ADARB2: variants seen among roughly 807,000 people sequenced by gnomAD.
The protein encoded by ADARB2 is inactive double-stranded RNA-specific editase B2.
In ADARB2, 25 loss-of-function variants were observed where a neutral mutation model predicts 62.2. That is an observed-to-expected ratio of 0.40 (90% CI 0.29 to 0.56). The LOEUF is 0.56. Ranked by LOEUF, ADARB2 falls within the 20% of genes least tolerant of loss-of-function variation. The pLI, the probability that ADARB2 is intolerant of heterozygous loss-of-function variation, is 0.43. For synonymous variants in ADARB2, 572 were observed against 500.8 expected (o/e 1.14, Z -1.90); for missense variants, 1,071 against 1,077.4 (o/e 0.99, Z 0.08).
intron 3 of ADARB2, among the ~76,000 whole-genome samples, chr10:1,324,148 T>A (rs772920195): frequency 1.3e-5 from 2 of 152,224 alleles, no homozygotes; most frequent in Non-Finnish European, 2.9e-5. Flanking sequence ...CATGATAAGA[T>A]GCTAAACTAT....
intron 1 of ADARB2, among the ~76,000 whole-genome samples, chr10:1,511,904 A>C (rs1158990964): frequency 6.6e-6 from 1 of 151,864 alleles, no homozygotes; most frequent in Non-Finnish European, 1.5e-5. Context: ...CAAGACATGG[A>C]TGCTGTCTAC....
At chr10:1,341,185 C>T (rs551658139) in intron 3 of ADARB2, among the ~76,000 whole-genome samples, 3 of 151,886 alleles carry the variant, frequency 2.0e-5, no homozygotes, top group Admixed American at 1.3e-4. Context: ...ATGTGCCCCA[C>T]AGCGGCAATA....
chr10:1,357,810 G>A (rs1455645977), intron 3 of ADARB2, among the ~76,000 whole-genome samples: 1 of 152,200 alleles, frequency 6.6e-6, no homozygotes, highest in African/African-American at 2.4e-5. Context: ...CTCTATTGTT[G>A]TAGACACACG....
chr10:1,425,856 A>G (rs2131887325), intron 1 of ADARB2, among the ~76,000 whole-genome samples: 1 of 152,340 alleles, frequency 6.6e-6, no homozygotes, highest in South Asian at 2.1e-4. Context: ...AGATTAGCAA[A>G]CATTGACTCC....
At chr10:1,613,683 C>T (rs749722684) in intron 1 of ADARB2, among the ~76,000 whole-genome samples, 141 of 152,172 alleles carry the variant, frequency 9.3e-4, no homozygotes, top group Non-Finnish European at 1.7e-3. Flanking sequence ...GTAGAGTCTT[C>T]AAAGGTGGAG....
intron 1 of ADARB2, among the ~76,000 whole-genome samples, chr10:1,723,846 C>T (rs931669382): frequency 6.6e-6 from 1 of 152,176 alleles, no homozygotes; most frequent in African/African-American, 2.4e-5. Flanking sequence ...AAGTATTTCT[C>T]ACCCTGGAGA....
At chr10:1,513,544 C>G (rs911393938) in intron 1 of ADARB2, among the ~76,000 whole-genome samples, 8 of 152,148 alleles carry the variant, frequency 5.3e-5, no homozygotes, top group Admixed American at 4.6e-4. Context: ...AGCCAGGAGT[C>G]TCTCATGATG....
rs138905051 is a variant in ADARB2 at position 1,201,254 on chromosome 10, C to G, written c.1683-1107G>C. Among the ~76,000 whole-genome samples the G allele has an allele frequency of 1.9e-3, 286 of 152,366 alleles. 3 individuals carry two copies. The East Asian group carries it at 0.033, about 18-fold the overall frequency. On this transcript the variant is annotated intron_variant, in intron 7 of 9. Transcript: ENST00000381312. Reference sequence around the variant, plus strand: ...GGGGTTTCGGGGAGCCGCTCTCCCTCTCTCCCTCTGCAAATGCAGGTCATT... The same window carrying G: ...GGGGTTTCGGGGAGCCGCTCTCCCTGTCTCCCTCTGCAAATGCAGGTCATT...
At chr10:1,205,251 C>T (rs972334684) in intron 7 of ADARB2, among the ~76,000 whole-genome samples, 17 of 152,158 alleles carry the variant, frequency 1.1e-4, no homozygotes, top group South Asian at 6.2e-4. Context: ...TGGGAGTACA[C>T]GAGGGCCTTG....
intron 1 of ADARB2, among the ~76,000 whole-genome samples, chr10:1,697,863 T>G (rs1302740762): frequency 1.3e-5 from 2 of 152,236 alleles, no homozygotes; most frequent in Non-Finnish European, 2.9e-5. Flanking sequence ...GCTTACTCCG[T>G]AACCGTGAAT....
intron 4 of ADARB2, among the ~76,000 whole-genome samples, chr10:1,256,232 A>G (rs1831078295): frequency 6.6e-6 from 1 of 152,174 alleles, no homozygotes; most frequent in African/African-American, 2.4e-5. Flanking sequence ...GTGGAGACTG[A>G]GATGCAAAAC....
intron 1 of ADARB2, among the ~76,000 whole-genome samples, chr10:1,547,103 G>A (rs1832532379): frequency 6.6e-6 from 1 of 152,266 alleles, no homozygotes; most frequent in African/African-American, 2.4e-5. Context: ...ATAAGATACT[G>A]TGGCCTGTCG....
chr10:1,482,804 G>A (rs1254652761), intron 1 of ADARB2, among the ~76,000 whole-genome samples: 1 of 151,940 alleles, frequency 6.6e-6, no homozygotes, highest in African/African-American at 2.4e-5. Flanking sequence ...ACTCGTGCAG[G>A]ACCCTTCTTC....
intron 1 of ADARB2, among the ~76,000 whole-genome samples, chr10:1,599,918 T>G (rs1188999875): frequency 6.6e-6 from 1 of 151,868 alleles, no homozygotes; most frequent in African/African-American, 2.4e-5. Context: ...AATTTTTGTA[T>G]TTTTTTTCTA....
chr10:1,525,523 C>A (rs1344978496), intron 1 of ADARB2, among the ~76,000 whole-genome samples: 1 of 152,100 alleles, frequency 6.6e-6, no homozygotes, highest in Admixed American at 6.5e-5. Flanking sequence ...TCTAGGGGGC[C>A]TTTTCAGTTC....
intron 6 of ADARB2, among the ~76,000 whole-genome samples, chr10:1,231,805 G>A (rs753613771): frequency 6.6e-5 from 10 of 152,164 alleles, no homozygotes; most frequent in Non-Finnish European, 1.3e-4. Context: ...GGAAAGCAGT[G>A]GGGCTGGAGG....
At chr10:1,607,347 G>T (rs1217068980) in intron 1 of ADARB2, among the ~76,000 whole-genome samples, 5 of 152,160 alleles carry the variant, frequency 3.3e-5, no homozygotes, top group Non-Finnish European at 2.9e-5. Context: ...GGCCATTTAG[G>T]CTGGGACAGA....
intron 1 of ADARB2, among the ~76,000 whole-genome samples, chr10:1,684,738 G>C (rs939344342): frequency 6.6e-6 from 1 of 152,176 alleles, no homozygotes; most frequent in Non-Finnish European, 1.5e-5. Context: ...TCTGGCAAAC[G>C]GGAAAAGCTG....
rs1392643675 is a variant in ADARB2, at chr10:1,577,244, CTGT to C, written c.100+159804_100+159806del. ...AGCTCAGGTGCATCCTGGTGCAAAG[CTGT>C]CCCGGAAACTGCAGTAATACCCTCA... On this transcript the variant is annotated intron_variant, in intron 1 of 9. Transcript: ENST00000381312. 1.4e-4 allele frequency among the ~76,000 whole-genome samples: 19 copies of C among 138,532 alleles called. 1 individual carries two copies. The highest frequency in any genetic ancestry group is 7.5e-3 in the Middle Eastern group (2 of 268). 90.9% of individuals were successfully genotyped at this position (138,532 alleles called of 152,430 possible). A position where few individuals can be genotyped will look rare whatever the true frequency, so the allele number is the denominator to read the frequency against.
Sources: gnomAD v4.1 joint callset for allele counts (sites outside exome capture counted in the v4.1 genomes callset) on GRCh38, gnomAD v4.1.1 for gene constraint, MANE v1.5 for transcripts, NCBI Gene and HGNC (gene_info 2026-07-23, HGNC 2026-07-21) for gene names.